The following PACRG variants were observed in gnomAD, a reference collection of about 807,000 sequenced individuals.
The protein encoded by PACRG is parkin coregulated, also known as parkin coregulated gene protein.
A neutral mutation model predicts 29.7 loss-of-function variants in PACRG; 29 were observed. The observed-to-expected ratio is 0.98, with a 90% CI of 0.73 to 1.33. The LOEUF is 1.33. Among genes scored for constraint, PACRG ranks in the 40% most tolerant of loss-of-function variants. The probability of loss-of-function intolerance (pLI) is 0.00; values close to 1 mark genes in which losing one functional copy is unlikely to be tolerated. For synonymous variants in PACRG, 116 were observed against 118.7 expected, an observed-to-expected ratio of 0.98 and a Z score of 0.15; for missense variants, 279 against 316.2, an observed-to-expected ratio of 0.88 and a Z score of 0.89.
chr6:163,239,049 T>C (rs1782360369), intron 4 of PACRG, among the ~76,000 whole-genome samples: 1 of 152,196 alleles, frequency 6.6e-6, no homozygotes, highest in African/African-American at 2.4e-5. Flanking sequence ...TGGTAAAAGC[T>C]TGTGAAAGAA....
At chr6:163,005,246 A>G (rs1048915760) in intron 2 of PACRG, among the ~76,000 whole-genome samples, 1 of 151,948 alleles carries the variant, frequency 6.6e-6, no homozygotes, top group African/African-American at 2.4e-5. Context: ...CTCAAAGAAA[A>G]AGTTTTAGGT....
chr6:163,251,587 G>A (rs1046884023), intron 4 of PACRG, among the ~76,000 whole-genome samples: 1 of 152,034 alleles, frequency 6.6e-6, no homozygotes, highest in Admixed American at 6.6e-5. Flanking sequence ...CCTCTTCTTT[G>A]GCCATAGCTC....
intron 4 of PACRG, among the ~76,000 whole-genome samples, chr6:163,290,278 GCACACACA>G (rs3064946): frequency 0.019 from 2,207 of 114,518 alleles, 38 homozygotes; most frequent in African/African-American, 0.048. Context: ...GCGCGCGCGC[GCACACACA>G]CACACACACA....
chr6:163,077,689 G>A (rs1812674860), intron 3 of PACRG, among the ~76,000 whole-genome samples: 1 of 152,078 alleles, frequency 6.6e-6, no homozygotes, highest in Non-Finnish European at 1.5e-5. Context: ...TAAAAGTAAT[G>A]ATTTTTAATT....
At chr6:162,879,000 G>T (rs1793604631) in intron 2 of PACRG, among the ~76,000 whole-genome samples, 1 of 152,026 alleles carries the variant, frequency 6.6e-6, no homozygotes, top group African/African-American at 2.4e-5. Flanking sequence ...TACCTTTTCT[G>T]TAATATGTAT....
intron 1 of PACRG, among the ~76,000 whole-genome samples, chr6:162,773,237 T>G (rs904600197): frequency 6.6e-6 from 1 of 150,790 alleles, no homozygotes; most frequent in African/African-American, 2.4e-5. Flanking sequence ...AGGGGAGAAT[T>G]TCTATCTTAT....
chr6:162,879,252 T>C (rs1319160774), intron 2 of PACRG, among the ~76,000 whole-genome samples: 2 of 152,238 alleles, frequency 1.3e-5, no homozygotes, highest in Non-Finnish European at 2.9e-5. Flanking sequence ...CAGTCTATAG[T>C]TCTCTGTTCT....
chr6:163,214,172 T>C (rs748173520), intron 4 of PACRG, among the ~76,000 whole-genome samples: 14 of 152,200 alleles, frequency 9.2e-5, no homozygotes, highest in Non-Finnish European at 1.6e-4. Context: ...CACCATCACA[T>C]TGAGCCTGGA....
At chr6:163,073,042 G>A (rs772766776) in intron 3 of PACRG, among the ~76,000 whole-genome samples, 4 of 152,126 alleles carry the variant, frequency 2.6e-5, no homozygotes, top group East Asian at 1.9e-4. Flanking sequence ...GCAATCTACA[G>A]ATTCAATGCA....
At chr6:163,136,335 A>G (rs1398902444) in intron 4 of PACRG, among the ~76,000 whole-genome samples, 2 of 152,140 alleles carry the variant, frequency 1.3e-5, no homozygotes, top group African/African-American at 4.8e-5. Context: ...TCTCCTTCGA[A>G]ATTATCTGGT....
chr6:162,961,193 T>C (rs11965443), intron 2 of PACRG, among the ~76,000 whole-genome samples: 23,710 of 152,188 alleles, frequency 0.16, 3,244 homozygotes, highest in African/African-American at 0.36. Context: ...GCTCATAACC[T>C]TACTGACATA....
At chr6:163,177,201 GGGA>G in intron 4 of PACRG, among the ~76,000 whole-genome samples, 1 of 152,316 alleles carries the variant, frequency 6.6e-6, no homozygotes, top group Non-Finnish European at 1.5e-5. Flanking sequence ...ATACGGCCCA[GGGA>G]GATAGAGACA....
At chr6:163,138,090 C>A (rs1334912547) in intron 4 of PACRG, among the ~76,000 whole-genome samples, 1 of 152,232 alleles carries the variant, frequency 6.6e-6, no homozygotes, top group Non-Finnish European at 1.5e-5. Context: ...GGGGCATTAG[C>A]AGATCCAAGT....
At chr6:163,153,532 C>T (rs1458467071) in intron 4 of PACRG, among the ~76,000 whole-genome samples, 2 of 152,096 alleles carry the variant, frequency 1.3e-5, no homozygotes, top group South Asian at 2.1e-4. Flanking sequence ...TGTGTAGTCA[C>T]GTGAATTCTT....
intron 2 of PACRG, among the ~76,000 whole-genome samples, chr6:162,834,406 G>A (rs1365563709): frequency 6.6e-6 from 1 of 151,896 alleles, no homozygotes; most frequent in Non-Finnish European, 1.5e-5. Flanking sequence ...ATACATAAAA[G>A]GTTATAAAAC....
At chr6:162,795,424 C>T (rs939557670) in intron 1 of PACRG, among the ~76,000 whole-genome samples, 8 of 152,114 alleles carry the variant, frequency 5.3e-5, no homozygotes, top group African/African-American at 9.7e-5. Flanking sequence ...GTTAATGAAT[C>T]GTCCATGTTT....
At chr6:163,199,989 T>C (rs1780632704) in intron 4 of PACRG, among the ~76,000 whole-genome samples, 1 of 152,228 alleles carries the variant, frequency 6.6e-6, no homozygotes, top group Non-Finnish European at 1.5e-5. Flanking sequence ...TAAATGGCAC[T>C]ATAGTGTATT....
At chr6:162,948,108 C>T (rs1170315571) in intron 2 of PACRG, among the ~76,000 whole-genome samples, 1 of 151,928 alleles carries the variant, frequency 6.6e-6, no homozygotes, top group South Asian at 2.1e-4. Flanking sequence ...GCAAAAAGAA[C>T]CAAGCTGGAG....
intron 1 of PACRG, 147 bp from the exon 2 acceptor site, chr6:162,814,000 A>G (rs2128361737): frequency 1.2e-6 from 1 of 803,030 alleles, no homozygotes; most frequent in Non-Finnish European, 1.8e-6. Context: ...GTATTAACAG[A>G]TTTCTGTTGT....
Sources: gnomAD v4.1 joint callset for allele counts (sites outside exome capture counted in the v4.1 genomes callset) on GRCh38, gnomAD v4.1.1 for gene constraint, MANE v1.5 for transcripts, NCBI Gene and HGNC (gene_info 2026-07-23, HGNC 2026-07-21) for gene names.